Variants in ADGRE5 observed in about 807,000 individuals in gnomAD.
The protein encoded by ADGRE5 is CD97 molecule.
Under a neutral mutation model 100.3 loss-of-function variants are expected in ADGRE5, and 72 were observed. That is an observed-to-expected ratio of 0.72 (90% CI 0.59 to 0.87). The LOEUF is 0.87. Ranked by LOEUF, ADGRE5 falls within the 40% of genes least tolerant of loss-of-function variation. ADGRE5 has a pLI of 0.00. For missense variants in ADGRE5, 959 were observed against 1,094.7 expected, an observed-to-expected ratio of 0.88 and a Z score of 1.75; for synonymous variants, 439 against 447.8, an observed-to-expected ratio of 0.98 and a Z score of 0.25.
At chr19:14,398,227 G>T in intron 9 of ADGRE5, 88 bp downstream of exon 9, 1 of 1,195,996 alleles carries the variant, frequency 8.4e-7, no homozygotes, top group Non-Finnish European at 1.2e-6. Context: ...CCCAACCCAA[G>T]CAGGGGCCTC....
At chr19:14,383,752 G>T (rs77414777) in intron 1 of ADGRE5, among the ~76,000 whole-genome samples, 1 of 151,568 alleles carries the variant, frequency 6.6e-6, no homozygotes, top group Non-Finnish European at 1.5e-5. Flanking sequence ...AACTTCCAAG[G>T]CCCCAGATGG....
chr19:14,398,700 G>T lies in ADGRE5; in HGVS notation c.897+561G>T, dbSNP rs1025004388. ...AAAAAAAAAAAAAAAAAAAAAAAGA[G>T]CCTGGAGTTGGGCCACAGAAGTTCA... is the stretch of plus-strand genomic sequence containing the variant. On this transcript the variant is annotated intron_variant, in intron 9 of 19. Coordinates refer to ENST00000242786, the MANE Select transcript of ADGRE5 (RefSeq NM_078481.4). Among the ~76,000 whole-genome samples, 4 of 140,710 alleles carry T rather than the reference G, an allele frequency of 2.8e-5. No individual in the cohort carries two copies. In the Admixed American group the frequency reaches 2.9e-4, roughly 10 times the overall value. The allele number at this position is 140,710 out of a possible 152,430, so 92.3% of individuals were successfully genotyped here.
At chr19:14,382,795 C>T (rs1975206460) in intron 1 of ADGRE5, among the ~76,000 whole-genome samples, 1 of 151,912 alleles carries the variant, frequency 6.6e-6, no homozygotes, top group South Asian at 2.1e-4. Flanking sequence ...CTGCAACCTC[C>T]GCCTCCTGGG....
intron 6 of ADGRE5, 81 bp from the exon 7 acceptor site, chr19:14,397,577 G>T (rs1419817805): frequency 6.2e-7 from 1 of 1,609,832 alleles, no homozygotes; most frequent in Admixed American, 1.7e-5. Context: ...AATGCCGGGA[G>T]GAATGAGCTG....
intron 6 of ADGRE5, 58 bp from the exon 7 acceptor site, chr19:14,397,600 G>A: frequency 6.2e-7 from 1 of 1,605,568 alleles, no homozygotes; most frequent in South Asian, 1.1e-5. Context: ...GGCACAGACA[G>A]GAGACAGGAC....
At position 14,401,584 on chromosome 19, in the gene ADGRE5, GC is replaced by G. The variant is rs767028684; in HGVS notation, c.1075+24del. The stretch of plus-strand genomic sequence containing the variant: ...CACAGGTGAGGCCTTGGCCTGGCCT[GC>G]CCTGCCCCAACCCTGGGCCCCACCT... On this transcript the variant is annotated intron_variant, in intron 10 of 19. Coordinates refer to ENST00000242786, the MANE Select transcript of ADGRE5 (RefSeq NM_078481.4). This position sits in a 1 kb window ranked among gnomAD's most constrained non-coding sequence, Gnocchi z 4.1. 3 of 1,612,174 alleles carry G rather than the reference GC, an allele frequency of 1.9e-6. No individual in the cohort carries two copies. In the South Asian group the frequency reaches 3.3e-5, roughly 18 times the overall value.
intron 4 of ADGRE5, among the ~76,000 whole-genome samples, chr19:14,392,881 T>G (rs1975647999): frequency 7.1e-6 from 1 of 141,454 alleles, no homozygotes; most frequent in Non-Finnish European, 1.5e-5. Flanking sequence ...CCAGCTTAGG[T>G]GACAGAGCGA....
At position 14,401,569 on chromosome 19, in the gene ADGRE5, G is replaced by T; in HGVS notation, c.1075+6G>T. On this transcript the variant is annotated splice_donor_region_variant and intron_variant, in intron 10 of 19. Transcript: ENST00000242786. This position sits in a 1 kb window ranked among gnomAD's most constrained non-coding sequence, Gnocchi z 4.1. ...CATTTCCCCTTCGAACACAGGTGAG[G>T]CCTTGGCCTGGCCTGCCCTGCCCCA... The T allele has an allele frequency of 6.2e-7, 1 of 1,613,702 alleles. No homozygotes were observed. Among genetic ancestry groups the T allele is most frequent in the Non-Finnish European group, 8.5e-7 (1 of 1,179,744 alleles).
At chr19:14,388,579 C>T (rs1459936061) in intron 2 of ADGRE5, 79 bp downstream of exon 2, 1 of 1,599,298 alleles carries the variant, frequency 6.3e-7, no homozygotes, top group African/African-American at 1.3e-5. Context: ...CAGCCCCCTT[C>T]AGCCCAGGGA....
intron 4 of ADGRE5, among the ~76,000 whole-genome samples, chr19:14,391,920 AC>A (rs1975614527): frequency 6.8e-6 from 1 of 147,604 alleles, no homozygotes; most frequent in African/African-American, 2.5e-5. Flanking sequence ...ACATGATGAA[AC>A]CCCCGTCTCT....
intron 13 of ADGRE5, 138 bp from the exon 14 acceptor site, chr19:14,405,610 T>C (rs1258000963): frequency 6.1e-6 from 4 of 651,078 alleles, no homozygotes; most frequent in African/African-American, 3.7e-5. Context: ...AGCTGGTAAG[T>C]GTGGCCAGAT....
chr19:14,402,726 A>C lies in ADGRE5; in HGVS notation c.1313A>C (p.Gln438Pro). The C allele has an allele frequency of 1.2e-6, 2 of 1,614,162 alleles. No individual in the cohort carries two copies. The highest frequency in any genetic ancestry group is 1.7e-6 in the Non-Finnish European group (2 of 1,180,030). Residue 438 changes from glutamine (Q) to proline (P), a missense_variant, in exon 12 of 20, where the codon CAA becomes CCA. Gln to Pro is a moderately conservative substitution (Grantham distance 76). Transcript: ENST00000242786. ...EIYESSIRGV[Q>P]LRRLSAVNSI... ...TATGAAAGCAGCATCCGTGGTGTCC[A>C]ACTCAGACGCCTCTCTGCCGTCAAC...
chr19:14,392,968 G>A lies in ADGRE5; in HGVS notation c.346+1889G>A, dbSNP rs1483672735. Among the ~76,000 whole-genome samples the A allele has an allele frequency of 4.0e-5, 6 of 151,460 alleles. No homozygotes were observed. The East Asian group carries it at 5.8e-4, about 15-fold the overall frequency. On this transcript the variant is annotated intron_variant, in intron 4 of 19. Coordinates refer to ENST00000242786, the MANE Select transcript of ADGRE5 (RefSeq NM_078481.4). ...TGTAATCCCAGCACTTTGGGAGGCCGAGGCGGGTGGATCACGAGGTCAGGA... is the reference window on the plus strand; with the variant it reads ...TGTAATCCCAGCACTTTGGGAGGCCAAGGCGGGTGGATCACGAGGTCAGGA...
intron 3 of ADGRE5, among the ~76,000 whole-genome samples, chr19:14,389,942 A>G (rs1975536801): frequency 6.7e-6 from 1 of 148,528 alleles, no homozygotes; most frequent in Non-Finnish European, 1.5e-5. Context: ...GTGGCCCATG[A>G]GCACATGCTT....
At position 14,404,481 on chromosome 19, in the gene ADGRE5, GGGCAGCAAGAAC is replaced by G; in HGVS notation, c.1556_1567del (p.Lys519_Ser522del). ...GGGCCACCGAGGGCTGCCAGGTGCT[GGGCAGCAAGAAC>G]GGCAGCACCACCTGCCAATGCAGCC... On this transcript the variant is annotated inframe_deletion, in exon 13 of 20. Coordinates refer to ENST00000242786, the MANE Select transcript of ADGRE5 (RefSeq NM_078481.4). 1 of 1,612,382 alleles carries G rather than the reference GGGCAGCAAGAAC, an allele frequency of 6.2e-7. No homozygotes were observed. Among genetic ancestry groups the G allele is most frequent in the Non-Finnish European group, 8.5e-7 (1 of 1,179,512 alleles).
intron 1 of ADGRE5, among the ~76,000 whole-genome samples, chr19:14,381,843 G>A (rs755930239): frequency 1.3e-5 from 2 of 152,016 alleles, no homozygotes; most frequent in African/African-American, 2.4e-5. Flanking sequence ...ACTGAGGCAC[G>A]GGGGAAGGAA....
chr19:14,384,179 TG>T (rs1433646063), intron 1 of ADGRE5, among the ~76,000 whole-genome samples: 1 of 151,858 alleles, frequency 6.6e-6, no homozygotes, highest in Non-Finnish European at 1.5e-5. Flanking sequence ...CTGACAGAAG[TG>T]GGGAGTACGG....
intron 9 of ADGRE5, chr19:14,398,436 G>A (rs901595576): frequency 1.7e-5 from 6 of 355,924 alleles, no homozygotes; most frequent in African/African-American, 4.2e-5. Context: ...TTGGAAGGCC[G>A]AGGTGGGCAG....
intron 4 of ADGRE5, among the ~76,000 whole-genome samples, chr19:14,393,555 G>A (rs1782387115): frequency 2.0e-5 from 3 of 152,254 alleles, no homozygotes; most frequent in South Asian, 4.1e-4. Context: ...GGGAGTTAGT[G>A]CAGGGTACCG....
Sources: gnomAD v4.1 joint callset for allele counts (sites outside exome capture counted in the v4.1 genomes callset) on GRCh38, gnomAD v4.1.1 for gene constraint, Gnocchi (gnomAD v3.1) non-coding constraint, MANE v1.5 for transcripts, NCBI Gene and HGNC (gene_info 2026-07-23, HGNC 2026-07-21) for gene names.